The following SV2C variants were observed in gnomAD, a reference collection of about 807,000 sequenced individuals.
SV2C encodes solute carrier family 22 member B3.
Under a neutral mutation model 79.7 loss-of-function variants are expected in SV2C, and 49 were observed. The observed-to-expected ratio is 0.61, with a 90% CI of 0.49 to 0.78. The LOEUF is 0.78. Ranked by LOEUF, SV2C falls within the 30% of genes least tolerant of loss-of-function variation. The pLI, the probability that SV2C is intolerant of heterozygous loss-of-function variation, is 0.00. For synonymous variants in SV2C, 334 were observed against 333.2 expected (o/e 1.00, Z -0.03); for missense variants, 833 against 912.9 (o/e 0.91, Z 1.13).
intron 3 of SV2C, among the ~76,000 whole-genome samples, chr5:76,205,588 ATGAACT>A (rs996568252): frequency 1.9e-4 from 29 of 152,342 alleles, no homozygotes; most frequent in African/African-American, 6.3e-4. Context: ...CTTGAAAAAA[ATGAACT>A]TGAACAGATT....
intron 1 of SV2C, among the ~76,000 whole-genome samples, chr5:76,094,497 ATTCT>A (rs1370927219): frequency 6.6e-6 from 1 of 152,072 alleles, no homozygotes; most frequent in Non-Finnish European, 1.5e-5. Context: ...TCAATAGTCA[ATTCT>A]TTGTCATTGC....
chr5:76,299,373 A>G (rs1157042777), intron 10 of SV2C, among the ~76,000 whole-genome samples: 1 of 152,218 alleles, frequency 6.6e-6, no homozygotes, highest in Non-Finnish European at 1.5e-5. Context: ...AAAAAAAGGA[A>G]GGCAAACAAG....
the SV2C span, among the ~76,000 whole-genome samples, chr5:75,970,032 C>A: frequency 7.2e-5 from 11 of 152,156 alleles, no homozygotes; most frequent in African/African-American, 2.7e-4. Context: ...CTCAAAACCG[C>A]TCATCTACAT....
intron 4 of SV2C, among the ~76,000 whole-genome samples, chr5:76,260,386 G>A (rs1192059955): frequency 6.6e-6 from 1 of 152,114 alleles, no homozygotes; most frequent in African/African-American, 2.4e-5. Context: ...CTCCCGTTCT[G>A]TAGGTTGCCT....
chr5:76,016,077 A>G, the SV2C span, among the ~76,000 whole-genome samples: 1 of 151,882 alleles, frequency 6.6e-6, no homozygotes, highest in African/African-American at 2.4e-5. Flanking sequence ...TATAAAAGAT[A>G]TAATTAAGAC....
At chr5:75,885,761 C>CGGGA in the SV2C span, among the ~76,000 whole-genome samples, 1 of 151,992 alleles carries the variant, frequency 6.6e-6, no homozygotes, top group Admixed American at 6.6e-5. Flanking sequence ...CTGCTGGCAT[C>CGGGA]TATGAACTTG....
At chr5:76,202,119 A>G (rs940246389) in intron 3 of SV2C, among the ~76,000 whole-genome samples, 5 of 151,544 alleles carry the variant, frequency 3.3e-5, no homozygotes, top group African/African-American at 7.3e-5. Flanking sequence ...TTTTGGTCTG[A>G]TTCTGAGCTA....
the SV2C span, among the ~76,000 whole-genome samples, chr5:75,948,204 A>G: frequency 6.6e-6 from 1 of 152,026 alleles, no homozygotes; most frequent in South Asian, 2.1e-4. Context: ...TTAGGACTGC[A>G]CCTTACATCC....
chr5:76,205,697 G>C (rs1237927769), intron 3 of SV2C, among the ~76,000 whole-genome samples: 1 of 152,148 alleles, frequency 6.6e-6, no homozygotes, highest in African/African-American at 2.4e-5. Flanking sequence ...TAATGTAAAA[G>C]ATATTTGTGT....
chr5:76,183,806 G>A (rs150113701), intron 2 of SV2C, among the ~76,000 whole-genome samples: 136 of 152,128 alleles, frequency 8.9e-4, no homozygotes, highest in African/African-American at 3.1e-3. Flanking sequence ...ACTTTCCTCC[G>A]AGAGTGCCTT....
intron 4 of SV2C, among the ~76,000 whole-genome samples, chr5:76,261,105 T>C (rs1408555366): frequency 9.9e-5 from 15 of 152,216 alleles, no homozygotes; most frequent in Admixed American, 9.8e-4. Flanking sequence ...GTTTGTGTCC[T>C]CTCTTATTTC....
chr5:76,290,633 G>A (rs1367725160), intron 6 of SV2C, among the ~76,000 whole-genome samples: 1 of 152,136 alleles, frequency 6.6e-6, no homozygotes, highest in African/African-American at 2.4e-5. Flanking sequence ...ATATGGCTGA[G>A]AAATTCATGT....
intron 2 of SV2C, among the ~76,000 whole-genome samples, chr5:76,150,726 C>A (rs1197237079): frequency 1.4e-5 from 2 of 145,926 alleles, no homozygotes; most frequent in African/African-American, 2.5e-5. Context: ...CAGTTTCAAC[C>A]TCCTGGGCTC....
chr5:75,924,372 A>G, the SV2C span, among the ~76,000 whole-genome samples: 2 of 152,196 alleles, frequency 1.3e-5, no homozygotes, highest in Non-Finnish European at 2.9e-5. Context: ...TATCCATGTA[A>G]CCAAAAACCA....
intron 4 of SV2C, among the ~76,000 whole-genome samples, chr5:76,232,622 G>GT (rs1745460880): frequency 6.7e-6 from 1 of 149,628 alleles, no homozygotes; most frequent in African/African-American, 2.6e-5. Context: ...TGTATAAGGT[G>GT]TAAGGAAGGG....
At chr5:75,878,748 G>A in the SV2C span, among the ~76,000 whole-genome samples, 2 of 152,114 alleles carry the variant, frequency 1.3e-5, no homozygotes, top group Non-Finnish European at 2.9e-5. Context: ...GTGATTACAT[G>A]AGCAGTGCCA....
At chr5:76,077,578 C>G in the SV2C span, among the ~76,000 whole-genome samples, 4 of 152,220 alleles carry the variant, frequency 2.6e-5, no homozygotes, top group African/African-American at 9.6e-5. Context: ...GGTTGCTGAT[C>G]TTCCACAATT....
chr5:75,941,197 C>T, the SV2C span, among the ~76,000 whole-genome samples: 1 of 152,168 alleles, frequency 6.6e-6, no homozygotes, highest in African/African-American at 2.4e-5. Flanking sequence ...AAAAGAAGCT[C>T]ATCTCCTCTT....
chr5:75,943,370 G>A, the SV2C span, among the ~76,000 whole-genome samples: 2 of 152,244 alleles, frequency 1.3e-5, no homozygotes, highest in East Asian at 3.9e-4. Flanking sequence ...ATTGGCCATG[G>A]AACTTAAAAT....
Sources: gnomAD v4.1 joint callset for allele counts (sites outside exome capture counted in the v4.1 genomes callset) on GRCh38, gnomAD v4.1.1 for gene constraint, MANE v1.5 for transcripts, NCBI Gene and HGNC (gene_info 2026-07-23, HGNC 2026-07-21) for gene names.